SIPA1L3: variants seen among roughly 807,000 people sequenced by gnomAD.
SIPA1L3 encodes the protein signal-induced proliferation-associated 1-like protein 3.
Under a neutral mutation model 150.1 loss-of-function variants are expected in SIPA1L3, and 59 were observed. The ratio of observed to expected loss-of-function variants is 0.39; its 90% confidence interval spans 0.32 to 0.49. SIPA1L3 has a LOEUF of 0.49. Among genes scored for constraint, SIPA1L3 ranks in the 20% least tolerant of loss-of-function variants. SIPA1L3 has a pLI of 0.86. For synonymous variants in SIPA1L3, 1,070 were observed against 1,077.6 expected (o/e 0.99, Z 0.14); for missense variants, 2,211 against 2,489.5 (o/e 0.89, Z 2.38).
chr19:37,993,249 G>A (rs11669092), intron 1 of SIPA1L3, among the ~76,000 whole-genome samples: 7,207 of 152,248 alleles, frequency 0.047, 240 homozygotes, highest in South Asian at 0.1. Flanking sequence ...TGGGGATCAC[G>A]AGATGATCTA....
chr19:38,156,506 A>G lies in SIPA1L3; in HGVS notation c.3661+3539A>G, dbSNP rs1390657638. On this transcript the variant is annotated intron_variant, in intron 13 of 21. Transcript: ENST00000222345. ...GCCGCCGCCATACACACACGCCCACATGGATCAGGGGAATCTGTGTTTAGA... is the reference window on the plus strand; with the variant it reads ...GCCGCCGCCATACACACACGCCCACGTGGATCAGGGGAATCTGTGTTTAGA... 1.4e-4 allele frequency among the ~76,000 whole-genome samples: 21 copies of G among 149,496 alleles called. No individual in the cohort carries two copies. The Admixed American group carries it at 1.4e-3, about 10-fold the overall frequency.
intron 1 of SIPA1L3, among the ~76,000 whole-genome samples, chr19:37,956,814 C>T (rs781300893): frequency 2.5e-4 from 38 of 152,098 alleles, no homozygotes; most frequent in Admixed American, 1.0e-3. Context: ...TTGGAAATTC[C>T]GTTTATCAAT....
At position 38,201,929 on chromosome 19, in the gene SIPA1L3, C is replaced by G. The variant is rs376478955; in HGVS notation, c.5052C>G (p.His1684Gln). The change falls in exon 20 of 22, where the codon CAC becomes CAG. Residue 1684 changes from histidine to glutamine, a missense_variant. By Grantham distance (24) the His-to-Gln change is conservative. Coordinates refer to ENST00000222345, the MANE Select transcript of SIPA1L3 (RefSeq NM_015073.3). ...PALSPDIPPA[H>Q]SPVHSHLSLE... ...TGAGCCCGGACATCCCGCCTGCACA[C>G]AGTCCTGTCCACAGCCACCTGAGCC... The G allele has an allele frequency of 6.2e-7, 1 of 1,614,066 alleles. No individual in the cohort carries two copies. The highest frequency in any genetic ancestry group is 1.7e-5 in the Admixed American group (1 of 60,004).
At chr19:37,966,239 G>A (rs1318035030) in intron 1 of SIPA1L3, among the ~76,000 whole-genome samples, 1 of 152,244 alleles carries the variant, frequency 6.6e-6, no homozygotes, top group African/African-American at 2.4e-5. Flanking sequence ...AATCGGCACT[G>A]CAGGGAGCTG....
At chr19:38,107,749 G>A (rs911964246) in intron 7 of SIPA1L3, among the ~76,000 whole-genome samples, 6 of 152,206 alleles carry the variant, frequency 3.9e-5, no homozygotes, top group Non-Finnish European at 8.8e-5. Flanking sequence ...GGCTGAGGCA[G>A]GCGGATCACC....
At chr19:37,938,865 C>G (rs369962990) in intron 1 of SIPA1L3, among the ~76,000 whole-genome samples, 10 of 152,072 alleles carry the variant, frequency 6.6e-5, no homozygotes, top group Non-Finnish European at 1.2e-4. Context: ...TCAGGTGATC[C>G]GCCTTTCTCA....
chr19:37,955,813 A>T (rs1269750890), intron 1 of SIPA1L3, among the ~76,000 whole-genome samples: 2 of 152,302 alleles, frequency 1.3e-5, no homozygotes, highest in Non-Finnish European at 2.9e-5. Context: ...TCGTTAATGG[A>T]TACTTGGATT....
At chr19:38,032,084 T>TA (rs1470368178) in intron 2 of SIPA1L3, among the ~76,000 whole-genome samples, 2 of 152,226 alleles carry the variant, frequency 1.3e-5, no homozygotes, top group Non-Finnish European at 2.9e-5. Context: ...CTACAGCAGT[T>TA]ACTGCTGTGC....
At chr19:37,911,384 C>T (rs909046731) in intron 1 of SIPA1L3, among the ~76,000 whole-genome samples, 2 of 152,076 alleles carry the variant, frequency 1.3e-5, no homozygotes, top group African/African-American at 2.4e-5. Context: ...CATGTCCTTC[C>T]AAGTCATTAC....
At chr19:38,043,037 A>G (rs1968961705) in intron 2 of SIPA1L3, among the ~76,000 whole-genome samples, 1 of 152,180 alleles carries the variant, frequency 6.6e-6, no homozygotes, top group Non-Finnish European at 1.5e-5. Context: ...TGGGCATTCA[A>G]GGATTTAAAA....
chr19:37,992,060 T>TCCTCGTGGGAGGCAGTGTCA (rs6146521), intron 1 of SIPA1L3, among the ~76,000 whole-genome samples: 120,854 of 151,984 alleles, frequency 0.8, 48,800 homozygotes, highest in East Asian at 0.97. Flanking sequence ...CAGACAGGCA[T>TCCTCGTGGGAGGCAGTGTCA]CCACGTGGCT....
At chr19:38,004,372 A>G (rs1366539342) in intron 1 of SIPA1L3, among the ~76,000 whole-genome samples, 1 of 152,226 alleles carries the variant, frequency 6.6e-6, no homozygotes, top group Non-Finnish European at 1.5e-5. Flanking sequence ...CAACTCAAAT[A>G]GACATAAATT....
chr19:38,086,693 A>C (rs553365794), intron 3 of SIPA1L3, among the ~76,000 whole-genome samples: 51 of 152,302 alleles, frequency 3.3e-4, no homozygotes, highest in African/African-American at 1.2e-3. Flanking sequence ...AAAAAACAAA[A>C]ACTCTTCAAT....
At chr19:37,966,254 G>T (rs1282392744) in intron 1 of SIPA1L3, among the ~76,000 whole-genome samples, 3 of 152,192 alleles carry the variant, frequency 2.0e-5, no homozygotes, top group African/African-American at 7.2e-5. Context: ...GAGCTGGCAG[G>T]TTCCGTCCTT....
At chr19:38,013,266 C>T (rs1968149028) in intron 1 of SIPA1L3, among the ~76,000 whole-genome samples, 1 of 152,130 alleles carries the variant, frequency 6.6e-6, no homozygotes, top group South Asian at 2.1e-4. Context: ...AAAGTTGACA[C>T]ATTTCAGCTC....
intron 15 of SIPA1L3, among the ~76,000 whole-genome samples, chr19:38,170,217 C>T (rs1197789931): frequency 6.6e-6 from 1 of 152,278 alleles, no homozygotes; most frequent in Middle Eastern, 3.4e-3. Context: ...GACGGACTCC[C>T]ACTGTCCATC....
intron 15 of SIPA1L3, among the ~76,000 whole-genome samples, chr19:38,173,004 A>T (rs907809174): frequency 9.9e-5 from 15 of 152,170 alleles, no homozygotes; most frequent in African/African-American, 2.9e-4. Flanking sequence ...TGGGAGGCTG[A>T]GGTTGGAGGA....
intron 9 of SIPA1L3, among the ~76,000 whole-genome samples, chr19:38,121,073 G>T (rs1437573620): frequency 2.0e-5 from 3 of 152,154 alleles, no homozygotes; most frequent in African/African-American, 7.2e-5. Flanking sequence ...TGGGTGCAGT[G>T]GCTCATGCCT....
intron 12 of SIPA1L3, among the ~76,000 whole-genome samples, chr19:38,146,831 T>C (rs1182779121): frequency 4.6e-5 from 7 of 152,224 alleles, no homozygotes; most frequent in Non-Finnish European, 1.0e-4. Context: ...GAACACCTTT[T>C]CATGTCTTAT....
Sources: allele counts gnomAD v4.1 joint callset (sites outside exome capture counted in the v4.1 genomes callset), GRCh38; gene constraint gnomAD v4.1.1; transcripts MANE v1.5; gene names NCBI Gene and HGNC (gene_info 2026-07-23, HGNC 2026-07-21).